Variants in WDR49 observed in about 807,000 individuals in gnomAD.
WDR49 encodes WD repeat domain 49, also known as cilia- and flagella-associated protein 337.
WDR49 carries 107 observed loss-of-function variants against 119.5 expected under a neutral mutation model. The observed-to-expected ratio is 0.90, with a 90% CI of 0.77 to 1.05. WDR49 has a LOEUF of 1.05. Ranked by LOEUF, WDR49 falls within the 50% of genes least tolerant of loss-of-function variation. The pLI, the probability that WDR49 is intolerant of heterozygous loss-of-function variation, is 0.00. For synonymous variants in WDR49, 425 were observed against 418.8 expected (o/e 1.01, Z -0.18); for missense variants, 1,240 against 1,220.5 (o/e 1.02, Z -0.24).
intron 2 of WDR49, among the ~76,000 whole-genome samples, chr3:167,633,714 C>T (rs993933795): frequency 2.0e-5 from 3 of 151,962 alleles, no homozygotes; most frequent in Admixed American, 1.3e-4. Flanking sequence ...CATATACATA[C>T]ATAGACACAC....
intron 10 of WDR49, among the ~76,000 whole-genome samples, chr3:167,537,473 T>TA (rs1309923826): frequency 3.9e-5 from 6 of 152,294 alleles, no homozygotes; most frequent in African/African-American, 1.4e-4. Context: ...TTTCAAGACT[T>TA]ACCTGATCAC....
Position 167,529,250 on chromosome 3 carries a change from A to G in WDR49, c.2219-11T>C, listed in dbSNP as rs752569337. Reference sequence around the variant, plus strand: ...CCAGGTTAGCTCCTCCTAACATGTAAGGGAAAAATCTAACTAGAAAACTGA... The same window carrying G: ...CCAGGTTAGCTCCTCCTAACATGTAGGGGAAAAATCTAACTAGAAAACTGA... On this transcript the variant is annotated splice_polypyrimidine_tract_variant and intron_variant, in intron 13 of 18. Transcript: ENST00000682715. 2 of 1,557,158 alleles carry G rather than the reference A, an allele frequency of 1.3e-6. No individual in the cohort carries two copies. Among genetic ancestry groups the G allele is most frequent in the African/African-American group, 2.8e-5 (2 of 72,450 alleles).
intron 18 of WDR49, among the ~76,000 whole-genome samples, chr3:167,480,176 G>A (rs1750651332): frequency 6.8e-6 from 1 of 147,840 alleles, no homozygotes; most frequent in Non-Finnish European, 1.5e-5. Context: ...TTGAACCCAG[G>A]AGGCAGAGTT....
chr3:167,529,383 C>G (rs1752762386), intron 13 of WDR49, 144 bp from the exon 14 acceptor site: 1 of 669,650 alleles, frequency 1.5e-6, no homozygotes, highest in African/African-American at 1.8e-5. Context: ...CTTTAATTTT[C>G]TCAAATATAA....
chr3:167,542,550 A>C (rs1473759125), intron 10 of WDR49, among the ~76,000 whole-genome samples: 1 of 152,026 alleles, frequency 6.6e-6, no homozygotes, highest in Non-Finnish European at 1.5e-5. Flanking sequence ...TGGGTCAACA[A>C]TGAAATCAAG....
intron 7 of WDR49, among the ~76,000 whole-genome samples, chr3:167,581,591 T>G (rs1001339236): frequency 6.6e-6 from 1 of 152,140 alleles, no homozygotes; most frequent in Non-Finnish European, 1.5e-5. Context: ...AATCCCCTAC[T>G]CCCAGCCAGA....
At chr3:167,642,967 G>T (rs1717950745) in intron 2 of WDR49, among the ~76,000 whole-genome samples, 2 of 151,754 alleles carry the variant, frequency 1.3e-5, no homozygotes, top group African/African-American at 2.4e-5. Flanking sequence ...AGAATGAGAG[G>T]GTGAAAGAGA....
At chr3:167,503,250 T>G (rs571271855) in intron 17 of WDR49, among the ~76,000 whole-genome samples, 1 of 152,204 alleles carries the variant, frequency 6.6e-6, no homozygotes, top group African/African-American at 2.4e-5. Context: ...TTTCAGAGGA[T>G]GCAAGAGAAA....
chr3:167,584,238 A>T (rs1455524343), intron 7 of WDR49, among the ~76,000 whole-genome samples: 1 of 152,138 alleles, frequency 6.6e-6, no homozygotes, highest in Non-Finnish European at 1.5e-5. Flanking sequence ...AATGCCTCCT[A>T]AAATATGGAG....
At chr3:167,485,045 G>T (rs987472866) in intron 18 of WDR49, among the ~76,000 whole-genome samples, 7 of 152,114 alleles carry the variant, frequency 4.6e-5, no homozygotes, top group African/African-American at 1.7e-4. Context: ...CCTTTGCAGG[G>T]ACATGGATGA....
chr3:167,652,489 C>A (rs577339371), intron 2 of WDR49, among the ~76,000 whole-genome samples: 1 of 152,270 alleles, frequency 6.6e-6, no homozygotes, highest in South Asian at 2.1e-4. Flanking sequence ...ATGTTGGAGG[C>A]TCATGACTAC....
At chr3:167,509,465 C>A (rs893558643) in intron 16 of WDR49, among the ~76,000 whole-genome samples, 7 of 152,092 alleles carry the variant, frequency 4.6e-5, no homozygotes, top group African/African-American at 1.7e-4. Flanking sequence ...GGTTAATAAA[C>A]CTGAAAAATG....
At chr3:167,530,051 A>G (rs1043283268) in intron 13 of WDR49, among the ~76,000 whole-genome samples, 1 of 152,136 alleles carries the variant, frequency 6.6e-6, no homozygotes. Context: ...AGGAAATGAG[A>G]GTAATTTCAG....
chr3:167,511,818 A>G (rs995458895), intron 16 of WDR49, among the ~76,000 whole-genome samples: 9 of 152,192 alleles, frequency 5.9e-5, no homozygotes, highest in African/African-American at 2.2e-4. Flanking sequence ...ATTCCCCACA[A>G]TGCAGCACAG....
At position 167,602,232 on chromosome 3, in the gene WDR49, A is replaced by G. The variant is rs1194837221; in HGVS notation, c.1170T>C (p.Tyr390=). Residue 390 remains tyrosine (Y), a synonymous_variant, in exon 7 of 19, where the codon TAT becomes TAC. Transcript: ENST00000682715. The part of the protein sequence containing the change: ...INNKVCLWNP[Y]VVSKPVGVLW... Reference sequence around the variant, plus strand: ...GGACACCCACTGGTTTAGAGACAACATAGGGATTCCAAAGGCAAACTTTAT... The same window carrying G: ...GGACACCCACTGGTTTAGAGACAACGTAGGGATTCCAAAGGCAAACTTTAT... 6.3e-7 allele frequency: 1 copy of G among 1,597,992 alleles called. No individual in the cohort carries two copies. Among genetic ancestry groups the G allele is most frequent in the Non-Finnish European group, 8.6e-7 (1 of 1,168,048 alleles).
chr3:167,566,473 G>A (rs556608911), intron 8 of WDR49, among the ~76,000 whole-genome samples: 4 of 152,122 alleles, frequency 2.6e-5, no homozygotes, highest in African/African-American at 7.2e-5. Flanking sequence ...AAAGCAGTTC[G>A]TACATATAAA....
At chr3:167,612,662 A>T (rs1360131869) in intron 5 of WDR49, among the ~76,000 whole-genome samples, 1 of 152,184 alleles carries the variant, frequency 6.6e-6, no homozygotes, top group East Asian at 1.9e-4. Context: ...AATTCAGAAG[A>T]TTGTTAATGG....
chr3:167,506,768 A>T (rs1751785289), intron 16 of WDR49, among the ~76,000 whole-genome samples: 1 of 152,106 alleles, frequency 6.6e-6, no homozygotes, highest in Admixed American at 6.6e-5. Context: ...TAACGTCAAC[A>T]TTATATTTTG....
intron 5 of WDR49, among the ~76,000 whole-genome samples, chr3:167,613,737 G>C (rs1222553881): frequency 6.6e-6 from 1 of 152,056 alleles, no homozygotes; most frequent in Non-Finnish European, 1.5e-5. Flanking sequence ...CTGAGTTCAG[G>C]AGTTCGAGAC....
Sources: gnomAD v4.1 joint callset for allele counts (sites outside exome capture counted in the v4.1 genomes callset) on GRCh38, gnomAD v4.1.1 for gene constraint, MANE v1.5 for transcripts, NCBI Gene and HGNC (gene_info 2026-07-23, HGNC 2026-07-21) for gene names.